The following DLG2 variants were observed in gnomAD, a reference collection of about 807,000 sequenced individuals.
DLG2 encodes the protein disks large homolog 2.
In DLG2, 45 loss-of-function variants were observed where a neutral mutation model predicts 132.5. The observed-to-expected ratio is 0.34, with a 90% CI of 0.27 to 0.44. The LOEUF (loss-of-function observed/expected upper bound fraction) is 0.44. Ranked by LOEUF, DLG2 falls within the 20% of genes least tolerant of loss-of-function variation. The pLI, the probability that DLG2 is intolerant of heterozygous loss-of-function variation, is 1.00. For synonymous variants in DLG2, 424 were observed against 419.6 expected, an observed-to-expected ratio of 1.01 and a Z score of -0.13; for missense variants, 1,045 against 1,196.9, an observed-to-expected ratio of 0.87 and a Z score of 1.87.
intron 4 of DLG2, among the ~76,000 whole-genome samples, chr11:85,275,158 GC>G (rs2077808752): frequency 6.6e-6 from 1 of 152,102 alleles, no homozygotes; most frequent in Non-Finnish European, 1.5e-5. Context: ...CTTTCCCTCA[GC>G]CCAACAGAAC....
chr11:84,203,624 C>T (rs1223805823), intron 8 of DLG2, among the ~76,000 whole-genome samples: 4 of 148,994 alleles, frequency 2.7e-5, no homozygotes, highest in Admixed American at 6.7e-5. Flanking sequence ...TCCTTTGCAG[C>T]AGGGACATGG....
chr11:84,330,608 T>C (rs1022409399), intron 7 of DLG2, among the ~76,000 whole-genome samples: 3 of 152,100 alleles, frequency 2.0e-5, no homozygotes, highest in Non-Finnish European at 4.4e-5. Flanking sequence ...TTTTTGAAAA[T>C]ACTGTTATAG....
At chr11:83,930,241 G>A in intron 15 of DLG2, 87 bp downstream of exon 15, 4 of 1,452,248 alleles carry the variant, frequency 2.8e-6, no homozygotes, top group Non-Finnish European at 3.8e-6. Flanking sequence ...TAGTGCAAGA[G>A]AAGTGAGCAG....
At chr11:84,702,020 G>C (rs1419889111) in intron 6 of DLG2, among the ~76,000 whole-genome samples, 1 of 151,422 alleles carries the variant, frequency 6.6e-6, no homozygotes, top group Non-Finnish European at 1.5e-5. Flanking sequence ...TCCTCTGCTG[G>C]GCCATATAAC....
intron 3 of DLG2, among the ~76,000 whole-genome samples, chr11:85,339,178 G>T (rs184683066): frequency 2.0e-5 from 3 of 152,078 alleles, no homozygotes. Context: ...ATATCAGTCT[G>T]TACAGATCTT....
At chr11:85,020,877 T>A (rs747706965) in intron 6 of DLG2, 1 of 764,870 alleles carries the variant, frequency 1.3e-6, no homozygotes, top group Non-Finnish European at 2.4e-6. Flanking sequence ...TAGGTCCCCC[T>A]CCTCAGCAGA....
At chr11:83,682,111 C>T (rs779683338) in intron 18 of DLG2, 103 of 985,074 alleles carry the variant, frequency 1.0e-4, no homozygotes, top group Non-Finnish European at 1.2e-4. Flanking sequence ...GGTACGTTTG[C>T]CAAGCTTATT....
At chr11:85,462,412 C>A (rs959576431) in intron 3 of DLG2, among the ~76,000 whole-genome samples, 1 of 152,128 alleles carries the variant, frequency 6.6e-6, no homozygotes, top group Non-Finnish European at 1.5e-5. Context: ...ATATGTCCGA[C>A]AATGATAGAC....
At chr11:85,226,725 A>T (rs926990891) in intron 4 of DLG2, among the ~76,000 whole-genome samples, 1 of 152,162 alleles carries the variant, frequency 6.6e-6, no homozygotes, top group South Asian at 2.1e-4. Flanking sequence ...ATTCAAATTT[A>T]ACACAACAGA....
At position 83,633,320 on chromosome 11, in the gene DLG2, C is replaced by T. The variant is rs149941661; in HGVS notation, c.1831G>A (p.Ala611Thr). ...TCATGGATTTTGGCCTCAAATCGAG[C>T]GTAATCTGGGAATGAAAACAAAGGT... Reference protein sequence around the residue: ...IIAQYQPEDYARFEAKIHDLR... With the variant: ...IIAQYQPEDYTRFEAKIHDLR... Residue 611 changes from alanine (A) to threonine (T), a missense_variant, in exon 19 of 28, where the codon GCT becomes ACT. Ala to Thr is a moderately conservative substitution (Grantham distance 58, BLOSUM62 0). Coordinates refer to ENST00000376104, the MANE Select transcript of DLG2 (RefSeq NM_001142699.3). 9.8e-5 allele frequency: 158 copies of T among 1,613,068 alleles called. No homozygotes were observed. Among genetic ancestry groups the T allele is most frequent in the Admixed American group, 1.3e-4 (8 of 59,880 alleles).
chr11:84,692,237 T>G (rs1269541239), intron 6 of DLG2, among the ~76,000 whole-genome samples: 1 of 151,874 alleles, frequency 6.6e-6, no homozygotes, highest in African/African-American at 2.4e-5. Context: ...TACCTCCTGC[T>G]CTTTAAAACA....
intron 21 of DLG2, among the ~76,000 whole-genome samples, chr11:83,502,963 T>TA (rs984116176): frequency 1.1e-4 from 16 of 152,138 alleles, no homozygotes; most frequent in Non-Finnish European, 2.2e-4. Context: ...ATCAGATAGT[T>TA]ACATCCATTT....
At chr11:83,790,979 G>T in intron 17 of DLG2, 1 of 833,670 alleles carries the variant, frequency 1.2e-6, no homozygotes, top group Non-Finnish European at 2.0e-6. Flanking sequence ...GAAGATACAG[G>T]TCTCCGTTCT....
chr11:84,324,654 C>G (rs938424588), intron 7 of DLG2, among the ~76,000 whole-genome samples: 9 of 151,956 alleles, frequency 5.9e-5, no homozygotes, highest in Admixed American at 3.3e-4. Flanking sequence ...ACAATATTAT[C>G]TTTCAATCCA....
intron 18 of DLG2, 41 bp from the exon 19 acceptor site, chr11:83,633,366 C>T (rs1443951884): frequency 1.9e-6 from 3 of 1,561,054 alleles, no homozygotes; most frequent in Non-Finnish European, 2.6e-6. Context: ...GCTCTGTGCC[C>T]TCAAGAGTTG....
At chr11:85,486,732 C>T (rs1041954822) in intron 3 of DLG2, among the ~76,000 whole-genome samples, 3 of 152,110 alleles carry the variant, frequency 2.0e-5, no homozygotes, top group African/African-American at 7.2e-5. Context: ...ACCACTGCTA[C>T]TGCCATCACC....
chr11:85,002,977 T>C (rs904052054), intron 6 of DLG2, among the ~76,000 whole-genome samples: 5 of 152,072 alleles, frequency 3.3e-5, no homozygotes, highest in Non-Finnish European at 5.9e-5. Context: ...ATATGATATG[T>C]ATAACTTACA....
At chr11:85,146,428 G>A (rs1348224712) in intron 5 of DLG2, among the ~76,000 whole-genome samples, 2 of 151,960 alleles carry the variant, frequency 1.3e-5, no homozygotes, top group South Asian at 2.1e-4. Flanking sequence ...AATGCCCAAG[G>A]GCTCTTTAGT....
intron 9 of DLG2, among the ~76,000 whole-genome samples, chr11:84,120,424 C>T (rs575197583): frequency 2.1e-4 from 32 of 152,168 alleles, no homozygotes; most frequent in African/African-American, 5.5e-4. Context: ...GGGGATACAC[C>T]GGTAGTAATT....
Sources: allele counts gnomAD v4.1 joint callset (sites outside exome capture counted in the v4.1 genomes callset), GRCh38; gene constraint gnomAD v4.1.1; transcripts MANE v1.5; gene names NCBI Gene and HGNC (gene_info 2026-07-23, HGNC 2026-07-21).